The following FTCDNL1 variants were observed in gnomAD, a reference collection of about 807,000 sequenced individuals.
FTCDNL1 encodes the protein formiminotransferase cyclodeaminase N-terminal like.
A neutral mutation model predicts 5.9 loss-of-function variants in FTCDNL1; 11 were observed. That is an observed-to-expected ratio of 1.87 (90% CI 1.18 to 3.10). The LOEUF (loss-of-function observed/expected upper bound fraction) is 3.10, where lower values mean the gene tolerates loss of function less well. Ranked by LOEUF, FTCDNL1 falls within the 30% of genes most tolerant of loss-of-function variation. The probability of loss-of-function intolerance (pLI) is 0.00; values close to 1 mark genes in which losing one functional copy is unlikely to be tolerated. For synonymous variants in FTCDNL1, 58 were observed against 24.8 expected (o/e 2.34, Z -3.99); for missense variants, 115 against 65.5 (o/e 1.76, Z -2.61).
the FTCDNL1 span, among the ~76,000 whole-genome samples, chr2:199,714,411 T>C: frequency 4.6e-5 from 7 of 152,134 alleles, no homozygotes; most frequent in Non-Finnish European, 1.0e-4. Flanking sequence ...ATATTAAAGA[T>C]ACATATGGTG....
chr2:199,765,558 T>A (rs868735171), intron 3 of FTCDNL1, among the ~76,000 whole-genome samples: 50 of 50,224 alleles, frequency 1.0e-3, no homozygotes, highest in Middle Eastern at 9.3e-3. Flanking sequence ...ATATATATAT[T>A]TTTTTTTTTT....
chr2:199,737,703 G>T, the FTCDNL1 span, among the ~76,000 whole-genome samples: 2 of 152,112 alleles, frequency 1.3e-5, no homozygotes, highest in Non-Finnish European at 2.9e-5. Flanking sequence ...CATAGGTCCC[G>T]CACTTAGAAG....
chr2:199,700,157 T>C, the FTCDNL1 span, among the ~76,000 whole-genome samples: 2 of 152,098 alleles, frequency 1.3e-5, no homozygotes, highest in Non-Finnish European at 1.5e-5. Context: ...ACCCCCATAG[T>C]CTCTGCCCAA....
chr2:199,725,714 C>A, the FTCDNL1 span, among the ~76,000 whole-genome samples: 24 of 152,142 alleles, frequency 1.6e-4, no homozygotes, highest in Non-Finnish European at 2.6e-4. Context: ...ATATTGTCCT[C>A]CAATCTCTTC....
chr2:199,748,835 C>T, the FTCDNL1 span, among the ~76,000 whole-genome samples: 4 of 152,164 alleles, frequency 2.6e-5, no homozygotes, highest in Non-Finnish European at 4.4e-5. Flanking sequence ...TGGATTCTGA[C>T]ATGATGTGAG....
chr2:199,705,376 C>G, the FTCDNL1 span, among the ~76,000 whole-genome samples: 1 of 152,176 alleles, frequency 6.6e-6, no homozygotes, highest in Admixed American at 6.5e-5. Flanking sequence ...CATTTTTATC[C>G]TATTGTAAAT....
chr2:199,793,613 T>G (rs1352841657), intron 3 of FTCDNL1, among the ~76,000 whole-genome samples: 1 of 152,176 alleles, frequency 6.6e-6, no homozygotes, highest in Non-Finnish European at 1.5e-5. Flanking sequence ...GATTATTTTT[T>G]GACATAGACA....
chr2:199,768,911 G>A (rs373423007), intron 3 of FTCDNL1, among the ~76,000 whole-genome samples: 3 of 152,224 alleles, frequency 2.0e-5, no homozygotes, highest in East Asian at 1.9e-4. Flanking sequence ...GGTGGGCATC[G>A]TGGGCACCCT....
intron 3 of FTCDNL1, among the ~76,000 whole-genome samples, chr2:199,843,433 A>AC (rs886847368): frequency 1.4e-4 from 21 of 151,852 alleles, no homozygotes; most frequent in Middle Eastern, 3.4e-3. Flanking sequence ...ATATTTCCCC[A>AC]CCCCCCCATG....
chr2:199,771,669 A>G (rs1030925294), intron 3 of FTCDNL1, among the ~76,000 whole-genome samples: 2 of 152,220 alleles, frequency 1.3e-5, no homozygotes, highest in African/African-American at 4.8e-5. Flanking sequence ...CTCATTAAGT[A>G]AAAGATTCTT....
chr2:199,789,532 C>A (rs1203480875), intron 3 of FTCDNL1, among the ~76,000 whole-genome samples: 1 of 151,944 alleles, frequency 6.6e-6, no homozygotes, highest in Non-Finnish European at 1.5e-5. Flanking sequence ...AAATGGTAAA[C>A]CATCACAACC....
chr2:199,771,397 T>C (rs1350019907), intron 3 of FTCDNL1, among the ~76,000 whole-genome samples: 1 of 152,218 alleles, frequency 6.6e-6, no homozygotes, highest in Admixed American at 6.5e-5. Flanking sequence ...CAGTATCCAG[T>C]TGACTCATGG....
chr2:199,711,365 AG>A, the FTCDNL1 span, among the ~76,000 whole-genome samples: 5 of 67,534 alleles, frequency 7.4e-5, no homozygotes, highest in South Asian at 5.0e-4. Flanking sequence ...GGGGGTTGTG[AG>A]GGGGCGGGGG....
At chr2:199,783,945 GGATTCA>G (rs1699503168) in intron 3 of FTCDNL1, among the ~76,000 whole-genome samples, 1 of 152,050 alleles carries the variant, frequency 6.6e-6, no homozygotes, top group Admixed American at 6.6e-5. Context: ...AGGAATTTGG[GGATTCA>G]AGATTCAAGA....
intron 3 of FTCDNL1, among the ~76,000 whole-genome samples, chr2:199,776,958 ATGTGTGTGTGTGTGTGTG>A (rs56145074): frequency 9.1e-4 from 124 of 136,212 alleles, no homozygotes; most frequent in South Asian, 1.5e-3. Flanking sequence ...ATGTGTGTAT[ATGTGTGTGTGTGTGTGTG>A]TGTGTGTGTG....
intron 3 of FTCDNL1, among the ~76,000 whole-genome samples, chr2:199,829,928 A>C (rs982816511): frequency 6.6e-6 from 1 of 152,124 alleles, no homozygotes; most frequent in African/African-American, 2.4e-5. Context: ...GTTCATTATT[A>C]TTCTTAAACC....
the FTCDNL1 span, among the ~76,000 whole-genome samples, chr2:199,680,680 A>G: frequency 6.6e-6 from 1 of 152,214 alleles, no homozygotes; most frequent in African/African-American, 2.4e-5. Context: ...CAAGATTGCC[A>G]TGGGCCGCAT....
At chr2:199,770,129 T>A (rs1177462719) in intron 3 of FTCDNL1, among the ~76,000 whole-genome samples, 1 of 152,190 alleles carries the variant, frequency 6.6e-6, no homozygotes, top group Non-Finnish European at 1.5e-5. Flanking sequence ...AGTTGATAAC[T>A]TTTTTTGCTT....
the FTCDNL1 span, among the ~76,000 whole-genome samples, chr2:199,679,203 T>C: frequency 6.6e-6 from 1 of 152,138 alleles, no homozygotes; most frequent in Non-Finnish European, 1.5e-5. Context: ...AACATTATTG[T>C]TTATGGTTCT....
Sources: gnomAD v4.1 joint callset for allele counts (sites outside exome capture counted in the v4.1 genomes callset) on GRCh38, gnomAD v4.1.1 for gene constraint, MANE v1.5 for transcripts, NCBI Gene and HGNC (gene_info 2026-07-23, HGNC 2026-07-21) for gene names.